NSD1: variants seen among roughly 807,000 people sequenced by gnomAD.
NSD1 encodes the protein histone-lysine N-methyltransferase, H3 lysine-36 specific.
A neutral mutation model predicts 242.7 loss-of-function variants in NSD1; 26 were observed. The ratio of observed to expected loss-of-function variants is 0.11; its 90% CI spans 0.08 to 0.15. The LOEUF (loss-of-function observed/expected upper bound fraction) is 0.15. Among genes scored for constraint, NSD1 ranks in the 10% least tolerant of loss-of-function variants. The probability of loss-of-function intolerance (pLI) is 1.00; values close to 1 mark genes in which losing one functional copy is unlikely to be tolerated. For missense variants in NSD1, 2,495 were observed against 3,272.8 expected, an observed-to-expected ratio of 0.76 and a Z score of 5.80; for synonymous variants, 1,106 against 1,178.1, an observed-to-expected ratio of 0.94 and a Z score of 1.25.
chr5:177,189,766 CAAAT>C (rs1182504640), intron 2 of NSD1, among the ~76,000 whole-genome samples: 1 of 152,002 alleles, frequency 6.6e-6, no homozygotes, highest in Non-Finnish European at 1.5e-5. Flanking sequence ...TTAGCAGTGC[CAAAT>C]AAATCATATT....
chr5:177,148,875 G>A (rs574298282), intron 2 of NSD1, among the ~76,000 whole-genome samples: 1 of 152,296 alleles, frequency 6.6e-6, no homozygotes, highest in East Asian at 1.9e-4. Flanking sequence ...CTGAAGTGCA[G>A]TGGCACGATC....
At chr5:177,260,289 C>T in intron 14 of NSD1, 121 bp downstream of exon 14, 1 of 797,130 alleles carries the variant, frequency 1.3e-6, no homozygotes, top group Non-Finnish European at 2.0e-6. Context: ...TGATACTATT[C>T]ATCTGCCATT....
At chr5:177,221,330 T>G (rs1330406766) in intron 5 of NSD1, among the ~76,000 whole-genome samples, 5 of 152,170 alleles carry the variant, frequency 3.3e-5, no homozygotes, top group African/African-American at 1.2e-4. Flanking sequence ...ATACTTTGTT[T>G]TCTTTATCAT....
At position 177,238,206 on chromosome 5, in the gene NSD1, T is replaced by A; in HGVS notation, c.3922-31T>A. 1 of 1,613,792 alleles carries A rather than the reference T, an allele frequency of 6.2e-7. No individual in the cohort carries two copies. The highest frequency in any genetic ancestry group is 8.5e-7 in the Non-Finnish European group (1 of 1,179,716). On this transcript the variant is annotated intron_variant, in intron 6 of 22. Transcript: ENST00000439151. The surrounding 1 kb of genome is among the most constrained non-coding windows in gnomAD (Gnocchi z 4.6). ...CACTTAAATTACAACAATTTTGGCC[T>A]GTGGACTCTATTTTTATTTTTTGTT...
At chr5:177,187,816 G>C (rs1761356526) in intron 2 of NSD1, among the ~76,000 whole-genome samples, 1 of 152,208 alleles carries the variant, frequency 6.6e-6, no homozygotes, top group South Asian at 2.1e-4. Context: ...GACTTCATCT[G>C]GATCAACTGC....
chr5:177,168,270 CT>C (rs978072807), intron 2 of NSD1, among the ~76,000 whole-genome samples: 1 of 151,942 alleles, frequency 6.6e-6, no homozygotes, highest in Non-Finnish European at 1.5e-5. Flanking sequence ...GATTTTTTAA[CT>C]TTATGATAGG....
At chr5:177,232,420 T>TGAATATTGACATAATAC (rs1415534122) in intron 5 of NSD1, among the ~76,000 whole-genome samples, 1 of 152,194 alleles carries the variant, frequency 6.6e-6, no homozygotes, top group African/African-American at 2.4e-5. Flanking sequence ...GAAATCTTTT[T>TGAATATTGACATAATAC]GAATATTGAC....
rs34417228 is a variant in NSD1, at chr5:177,156,174, A to ATTTT, written c.927+20166_927+20169dup. Among the ~76,000 whole-genome samples, 411 of 78,032 alleles carry ATTTT rather than the reference A, an allele frequency of 5.3e-3. 12 individuals are homozygous for ATTTT. The highest frequency in any genetic ancestry group is 0.011 in the Middle Eastern group (1 of 94). The allele number at this position is 78,032 out of a possible 152,430, so 51.2% of individuals were successfully genotyped here. The stretch of plus-strand genomic sequence containing the variant: ...CGTACTCTTCCCTCGCTCTTTTCAG[A>ATTTT]TTTTTTTTTTTTTTTTTTTTTTTTT... On this transcript the variant is annotated intron_variant, in intron 2 of 22. Coordinates refer to ENST00000439151, the MANE Select transcript of NSD1 (RefSeq NM_022455.5).
intron 2 of NSD1, among the ~76,000 whole-genome samples, chr5:177,147,589 T>G (rs1757359685): frequency 6.6e-6 from 1 of 152,090 alleles, no homozygotes; most frequent in East Asian, 1.9e-4. Context: ...AGTTGTTTTT[T>G]TTGTTTGTTT....
At chr5:177,179,366 C>T (rs1254193343) in intron 2 of NSD1, among the ~76,000 whole-genome samples, 3 of 152,148 alleles carry the variant, frequency 2.0e-5, no homozygotes, top group Non-Finnish European at 2.9e-5. Flanking sequence ...TAGGCATGCG[C>T]CACCACGCCC....
At chr5:177,253,553 G>C (rs1257051449) in intron 12 of NSD1, among the ~76,000 whole-genome samples, 1 of 152,084 alleles carries the variant, frequency 6.6e-6, no homozygotes, top group Non-Finnish European at 1.5e-5. Context: ...TCCCGTTTTG[G>C]TTATTATAAA....
chr5:177,255,702 C>T (rs1756381263), intron 12 of NSD1, among the ~76,000 whole-genome samples: 3 of 152,098 alleles, frequency 2.0e-5, no homozygotes, highest in African/African-American at 7.2e-5. Flanking sequence ...CGTGCCTCAG[C>T]CTCTGTATTA....
intron 2 of NSD1, among the ~76,000 whole-genome samples, chr5:177,189,477 G>C (rs1393084782): frequency 6.6e-6 from 1 of 152,164 alleles, no homozygotes; most frequent in Non-Finnish European, 1.5e-5. Flanking sequence ...GTGCTAGATT[G>C]GTTATAGTTA....
intron 14 of NSD1, among the ~76,000 whole-genome samples, 167 bp from the exon 15 acceptor site, chr5:177,267,395 A>G (rs952674458): frequency 6.6e-6 from 1 of 152,240 alleles, no homozygotes; most frequent in Admixed American, 6.5e-5. Context: ...AGAGTTAAAT[A>G]AAGCTTATGC....
chr5:177,289,331 A>G (rs907982031), intron 21 of NSD1, among the ~76,000 whole-genome samples: 19 of 152,142 alleles, frequency 1.2e-4, no homozygotes, highest in Non-Finnish European at 2.2e-4. Context: ...AAAAAAAAAA[A>G]GAAAAATTCA....
intron 2 of NSD1, among the ~76,000 whole-genome samples, chr5:177,163,686 G>A (rs1363884678): frequency 6.6e-6 from 1 of 152,160 alleles, no homozygotes; most frequent in African/African-American, 2.4e-5. Context: ...CCACATGCCA[G>A]GCAGCCAGGA....
At chr5:177,281,273 C>T (rs1758850960) in intron 18 of NSD1, among the ~76,000 whole-genome samples, 2 of 150,724 alleles carry the variant, frequency 1.3e-5, no homozygotes, top group South Asian at 4.2e-4. Context: ...GCAGTCATGT[C>T]TTCAACTTAA....
chr5:177,212,629 C>G (rs1424649705), intron 5 of NSD1, among the ~76,000 whole-genome samples: 1 of 151,544 alleles, frequency 6.6e-6, no homozygotes, highest in East Asian at 1.9e-4. Context: ...CTGACCTGTT[C>G]CCCGTTTCTT....
At chr5:177,283,685 C>CTTTTTT in intron 19 of NSD1, 102 bp from the exon 20 acceptor site, 1 of 1,348,218 alleles carries the variant, frequency 7.4e-7, no homozygotes, top group Non-Finnish European at 1.1e-6. Context: ...GAGGTTCAGT[C>CTTTTTT]TTTACAAATA....
Sources: gnomAD v4.1 joint callset for allele counts (sites outside exome capture counted in the v4.1 genomes callset) on GRCh38, gnomAD v4.1.1 for gene constraint, Gnocchi (gnomAD v3.1) non-coding constraint, MANE v1.5 for transcripts, NCBI Gene and HGNC (gene_info 2026-07-23, HGNC 2026-07-21) for gene names.